The following ATF3 variants were observed in gnomAD, a reference collection of about 807,000 sequenced individuals.
ATF3 encodes the protein activating transcription factor 3, also known as cyclic AMP-dependent transcription factor ATF-3.
Under a neutral mutation model 18.4 loss-of-function variants are expected in ATF3, and 10 were observed. The ratio of observed to expected loss-of-function variants is 0.54; its 90% confidence interval spans 0.34 to 0.92. The LOEUF (loss-of-function observed/expected upper bound fraction) is 0.92. Ranked by LOEUF, ATF3 falls within the 40% of genes least tolerant of loss-of-function variation. The pLI, the probability that ATF3 is intolerant of heterozygous loss-of-function variation, is 0.02. For synonymous variants in ATF3, 78 were observed against 87.9 expected (o/e 0.89, Z 0.63); for missense variants, 183 against 222.3 (o/e 0.82, Z 1.12).
chr1:212,607,441 T>C (rs1327705142), upstream of ATF3, among the ~76,000 whole-genome samples: 3 of 152,218 alleles, frequency 2.0e-5, no homozygotes, highest in East Asian at 5.8e-4. Flanking sequence ...TGCCGCTCTC[T>C]GAGCAGAAAT....
At chr1:212,591,659 A>G (rs1049971130) in intron 1 of ATF3, among the ~76,000 whole-genome samples, 2 of 152,082 alleles carry the variant, frequency 1.3e-5, no homozygotes, top group Admixed American at 1.3e-4. Context: ...GTCATTTTTA[A>G]ACTTTTTAAT....
At chr1:212,595,445 G>T (rs1455752664) in intron 1 of ATF3, among the ~76,000 whole-genome samples, 1 of 152,328 alleles carries the variant, frequency 6.6e-6, no homozygotes, top group African/African-American at 2.4e-5. Context: ...CGGTGCTCCC[G>T]CAGCTCAGTG....
intron 1 of ATF3, among the ~76,000 whole-genome samples, chr1:212,581,449 T>C (rs1469133289): frequency 1.3e-5 from 2 of 152,230 alleles, no homozygotes; most frequent in African/African-American, 4.8e-5. Context: ...CATGAACCCA[T>C]GGCATTTCTT....
intron 1 of ATF3, among the ~76,000 whole-genome samples, chr1:212,593,618 G>A (rs1428287811): frequency 6.6e-6 from 1 of 151,994 alleles, no homozygotes; most frequent in Non-Finnish European, 1.5e-5. Context: ...GCATGTGCCT[G>A]TAGTCCCAGC....
chr1:212,592,090 C>T (rs77911820), intron 1 of ATF3, among the ~76,000 whole-genome samples: 5,434 of 152,252 alleles, frequency 0.036, 119 homozygotes, highest in South Asian at 0.058. Context: ...CCATCACCAC[C>T]ATCTGTCTCC....
chr1:212,611,939 A>G (rs1418727353), intron 1 of ATF3, among the ~76,000 whole-genome samples: 1 of 152,212 alleles, frequency 6.6e-6, no homozygotes, highest in Non-Finnish European at 1.5e-5. Flanking sequence ...AGGTCCCCAA[A>G]CAATTTTTTT....
chr1:212,588,626 A>AACAACAAC (rs1553302073), intron 1 of ATF3, among the ~76,000 whole-genome samples: 1 of 112,638 alleles, frequency 8.9e-6, no homozygotes, highest in African/African-American at 3.3e-5. Flanking sequence ...TATAATGAAA[A>AACAACAAC]AACAACAACC....
Position 212,619,482 on chromosome 1 carries a change from A to C in ATF3, c.473A>C (p.Gln158Pro), listed in dbSNP as rs1001513360. The change falls in exon 4 of 4, where the codon CAG becomes CCG. Residue 158 changes from glutamine to proline, a missense_variant. Coordinates refer to ENST00000341491, the MANE Select transcript of ATF3 (RefSeq NM_001674.4). This position sits in a 1 kb window ranked among gnomAD's most constrained non-coding sequence, Gnocchi z 4.4. The part of the protein sequence containing the change: ...LHRPTCIVRA[Q>P]NGRTPEDERN... ...CGGCCCACGTGTATTGTCCGGGCTC[A>C]GAATGGGAGGACTCCAGAAGATGAG... 2.5e-6 allele frequency: 4 copies of C among 1,614,240 alleles called. No individual in the cohort carries two copies. The highest frequency in any genetic ancestry group is 1.7e-5 in the Admixed American group (1 of 60,020).
intron 2 of ATF3, among the ~76,000 whole-genome samples, chr1:212,616,544 C>T (rs1014004333): frequency 6.6e-5 from 10 of 152,228 alleles, no homozygotes; most frequent in African/African-American, 9.6e-5. Flanking sequence ...GTAATCCGCC[C>T]GCCTCGGCCT....
intron 1 of ATF3, among the ~76,000 whole-genome samples, chr1:212,587,570 T>C (rs1664803253): frequency 6.6e-6 from 1 of 152,110 alleles, no homozygotes; most frequent in African/African-American, 2.4e-5. Context: ...GGAACAAAGT[T>C]TTGCTAACAC....
Position 212,615,141 on chromosome 1 carries a change from TG to T in ATF3, c.121del (p.Val41SerfsTer5). 6.2e-7 allele frequency: 1 copy of T among 1,614,226 alleles called. No individual in the cohort carries two copies. The highest frequency in any genetic ancestry group is 8.5e-7 in the Non-Finnish European group (1 of 1,180,040). ...AGGATTTTGCTAACCTGACGCCCTT[TG>T]TCAAGGAAGAGCTGAGGTTTGCCAT... The part of the protein sequence containing the change: ...FEDFANLTPF[V>X]KEELRFAIQN... On this transcript the variant is annotated frameshift_variant, in exon 2 of 4. Coordinates refer to ENST00000341491, the MANE Select transcript of ATF3 (RefSeq NM_001674.4). LOFTEE classifies it high-confidence loss of function.
chr1:212,590,335 G>A (rs964529507), intron 1 of ATF3, among the ~76,000 whole-genome samples: 1 of 151,296 alleles, frequency 6.6e-6, no homozygotes. Context: ...AAATTCTGAG[G>A]CCCTGATTTA....
At chr1:212,583,717 A>T (rs372862287) in intron 1 of ATF3, among the ~76,000 whole-genome samples, 1 of 152,178 alleles carries the variant, frequency 6.6e-6, no homozygotes, top group Non-Finnish European at 1.5e-5. Context: ...AGTGCAGGTT[A>T]TAAGTCTGTA....
At chr1:212,609,004 A>G (rs968646210) in intron 1 of ATF3, 74 bp downstream of exon 1, 1 of 151,638 alleles carries the variant, frequency 6.6e-6, no homozygotes. Flanking sequence ...CCCTCTAAGT[A>G]ACCAGTCCGC....
At chr1:212,602,187 C>A (rs12564392) in intron 1 of ATF3, among the ~76,000 whole-genome samples, 6,158 of 152,268 alleles carry the variant, frequency 0.04, 464 homozygotes, top group Admixed American at 0.2. Flanking sequence ...CTGGCTTCTA[C>A]CCTACACCAT....
intron 1 of ATF3, among the ~76,000 whole-genome samples, chr1:212,601,704 T>C (rs1042832859): frequency 2.0e-5 from 3 of 152,166 alleles, no homozygotes; most frequent in Non-Finnish European, 4.4e-5. Context: ...GCTCAGTAAA[T>C]AGTAATTACT....
At chr1:212,595,206 A>G (rs1380039678) in intron 1 of ATF3, among the ~76,000 whole-genome samples, 1 of 152,172 alleles carries the variant, frequency 6.6e-6, no homozygotes, top group Admixed American at 6.5e-5. Flanking sequence ...AGCCCCTAGG[A>G]CTCTTTGGCT....
chr1:212,616,187 T>C (rs9429889), intron 2 of ATF3, among the ~76,000 whole-genome samples: 122,519 of 151,898 alleles, frequency 0.81, 49,625 homozygotes, highest in Non-Finnish European at 0.83. Flanking sequence ...GTCTTACAGA[T>C]TATTATTGTA....
intron 1 of ATF3, among the ~76,000 whole-genome samples, chr1:212,572,560 T>C (rs1664504672): frequency 6.6e-6 from 1 of 152,230 alleles, no homozygotes; most frequent in South Asian, 2.1e-4. Flanking sequence ...TTGCTGTTCA[T>C]ACTTAATTAT....
Sources: allele counts gnomAD v4.1 joint callset (sites outside exome capture counted in the v4.1 genomes callset), GRCh38; gene constraint gnomAD v4.1.1; non-coding constraint Gnocchi (gnomAD v3.1); transcripts MANE v1.5; gene names NCBI Gene and HGNC (gene_info 2026-07-23, HGNC 2026-07-21).